AGFG1: variants seen among roughly 807,000 people sequenced by gnomAD.
AGFG1 encodes the protein arf-GAP domain and FG repeat-containing protein 1.
Under a neutral mutation model 60.6 loss-of-function variants are expected in AGFG1, and 10 were observed. The ratio of observed to expected loss-of-function variants is 0.16; its 90% CI spans 0.10 to 0.28. AGFG1 has a LOEUF of 0.28. Among genes scored for constraint, AGFG1 ranks in the 10% least tolerant of loss-of-function variants. AGFG1 has a pLI of 1.00. For synonymous variants in AGFG1, 247 were observed against 242.9 expected (o/e 1.02, Z -0.16); for missense variants, 537 against 676.5 (o/e 0.79, Z 2.29).
At chr2:227,513,348 G>A (rs998812833) in intron 2 of AGFG1, among the ~76,000 whole-genome samples, 2 of 152,186 alleles carry the variant, frequency 1.3e-5, no homozygotes, top group South Asian at 2.1e-4. Flanking sequence ...ATATACAAAT[G>A]GGCTTCTTGT....
intron 4 of AGFG1, 118 bp downstream of exon 4, chr2:227,524,043 A>G (rs1440656532): frequency 3.5e-5 from 35 of 1,002,266 alleles, no homozygotes; most frequent in East Asian, 2.5e-5. Flanking sequence ...TTATGTTCCA[A>G]TGGTTTGTTA....
intron 2 of AGFG1, among the ~76,000 whole-genome samples, chr2:227,511,708 C>G (rs974910416): frequency 6.6e-6 from 1 of 152,176 alleles, no homozygotes; most frequent in African/African-American, 2.4e-5. Context: ...TTCACTCATA[C>G]ACCAGGTATT....
chr2:227,547,613 A>G (rs531064512), intron 10 of AGFG1, among the ~76,000 whole-genome samples: 1 of 152,316 alleles, frequency 6.6e-6, no homozygotes, highest in East Asian at 1.9e-4. Context: ...AGACACCCCA[A>G]TTAAAAAGTG....
At chr2:227,517,330 A>G (rs1451332465) in intron 2 of AGFG1, among the ~76,000 whole-genome samples, 1 of 152,214 alleles carries the variant, frequency 6.6e-6, no homozygotes, top group Non-Finnish European at 1.5e-5. Flanking sequence ...CAGTGGCGCA[A>G]TCTCGGCTCA....
At chr2:227,526,255 G>C (rs1575098332) in intron 5 of AGFG1, among the ~76,000 whole-genome samples, 2 of 152,110 alleles carry the variant, frequency 1.3e-5, no homozygotes, top group Admixed American at 1.3e-4. Flanking sequence ...CTGGAGTGCA[G>C]TGGTACAATC....
chr2:227,498,522 G>C (rs1043134169), intron 2 of AGFG1, among the ~76,000 whole-genome samples: 1 of 152,172 alleles, frequency 6.6e-6, no homozygotes, highest in Non-Finnish European at 1.5e-5. Context: ...GGCCTTTTAA[G>C]CATTTTGAAA....
At chr2:227,524,606 T>C (rs1691928876) in intron 4 of AGFG1, among the ~76,000 whole-genome samples, 156 bp from the exon 5 acceptor site, 1 of 152,240 alleles carries the variant, frequency 6.6e-6, no homozygotes, top group African/African-American at 2.4e-5. Flanking sequence ...TAAATTTCTC[T>C]GTTTTCACAA....
At chr2:227,495,363 A>C (rs975700647) in intron 2 of AGFG1, among the ~76,000 whole-genome samples, 3 of 151,916 alleles carry the variant, frequency 2.0e-5, no homozygotes, top group African/African-American at 7.3e-5. Flanking sequence ...CCTAGGCAAC[A>C]AAGCGAGATC....
chr2:227,544,100 G>A (rs1417324325), intron 10 of AGFG1, among the ~76,000 whole-genome samples: 2 of 149,292 alleles, frequency 1.3e-5, no homozygotes, highest in Non-Finnish European at 3.0e-5. Flanking sequence ...CCTGAATACA[G>A]CACGCTGATA....
chr2:227,508,746 G>A (rs1174580527), intron 2 of AGFG1: 1 of 414,918 alleles, frequency 2.4e-6, no homozygotes, highest in Non-Finnish European at 4.7e-6. Flanking sequence ...GAACAGAAAA[G>A]TAAAACTAGT....
rs986360902 is a variant in AGFG1 at position 227,555,809 on chromosome 2, C to T, written c.*1314C>T. ...CGAACACAACTCAGAAACTTGGAAT[C>T]GTTTTTTTTAAAAATGCCTCTGAGC... is the stretch of plus-strand genomic sequence containing the variant. On this transcript the variant is annotated 3_prime_UTR_variant, in exon 13 of 13. Transcript: ENST00000310078. The T allele has an allele frequency of 1.6e-4, 24 of 152,050 alleles. No individual in the cohort carries two copies. Among genetic ancestry groups the T allele is most frequent in the African/African-American group, 5.6e-4 (23 of 41,396 alleles). 9.4% of individuals were successfully genotyped at this position (152,050 alleles called of 1,614,324 possible).
intron 11 of AGFG1, among the ~76,000 whole-genome samples, chr2:227,552,697 G>A (rs1006073739): frequency 2.7e-5 from 4 of 148,116 alleles, no homozygotes; most frequent in African/African-American, 7.5e-5. Flanking sequence ...TAAGTAAGTG[G>A]TTATTTAAAA....
At chr2:227,544,704 C>G (rs1048510022) in intron 10 of AGFG1, among the ~76,000 whole-genome samples, 4 of 152,136 alleles carry the variant, frequency 2.6e-5, no homozygotes, top group Non-Finnish European at 1.5e-5. Flanking sequence ...TTTTATTTCT[C>G]CTTCACTTAT....
chr2:227,544,984 C>T (rs2106236175), intron 10 of AGFG1, among the ~76,000 whole-genome samples: 1 of 152,232 alleles, frequency 6.6e-6, no homozygotes, highest in South Asian at 2.1e-4. Flanking sequence ...CTCTGTATTT[C>T]CTGAATTTGA....
At chr2:227,534,782 T>G in intron 7 of AGFG1, 63 bp from the exon 8 acceptor site, 1 of 1,559,174 alleles carries the variant, frequency 6.4e-7, no homozygotes, top group Non-Finnish European at 8.8e-7. Context: ...ATGGCAAATG[T>G]GGTTGATAAG....
intron 2 of AGFG1, among the ~76,000 whole-genome samples, chr2:227,501,586 C>T (rs1161376583): frequency 6.6e-6 from 1 of 151,982 alleles, no homozygotes; most frequent in Non-Finnish European, 1.5e-5. Flanking sequence ...TCAGTCCTTC[C>T]CTGAATTTTT....
chr2:227,531,319 T>C, intron 6 of AGFG1, 109 bp downstream of exon 6: 1 of 1,294,130 alleles, frequency 7.7e-7, no homozygotes, highest in Non-Finnish European at 1.0e-6. Context: ...TATCTGACTT[T>C]AAAATGGTTC....
At chr2:227,521,495 G>C (rs1691826393) in intron 3 of AGFG1, among the ~76,000 whole-genome samples, 1 of 152,208 alleles carries the variant, frequency 6.6e-6, no homozygotes, top group African/African-American at 2.4e-5. Context: ...GAAAATACTA[G>C]AAGGTGGGTT....
chr2:227,501,452 C>T (rs903280243), intron 2 of AGFG1, among the ~76,000 whole-genome samples: 1 of 152,214 alleles, frequency 6.6e-6, no homozygotes, highest in Non-Finnish European at 1.5e-5. Flanking sequence ...TACAGTGAAA[C>T]TTAAGAATCT....
Sources: gnomAD v4.1 joint callset for allele counts (sites outside exome capture counted in the v4.1 genomes callset) on GRCh38, gnomAD v4.1.1 for gene constraint, MANE v1.5 for transcripts, NCBI Gene and HGNC (gene_info 2026-07-23, HGNC 2026-07-21) for gene names.